The following WNT10A variants were observed in gnomAD, a reference collection of about 807,000 sequenced individuals.
WNT10A encodes the protein Wnt family member 10A, also known as protein Wnt-10a.
WNT10A carries 37 observed loss-of-function variants against 36.1 expected under a neutral mutation model. The ratio of observed to expected loss-of-function variants is 1.02; its 90% CI spans 0.79 to 1.35. The LOEUF (loss-of-function observed/expected upper bound fraction) is 1.35. Among genes scored for constraint, WNT10A ranks in the 40% most tolerant of loss-of-function variants. The probability of loss-of-function intolerance (pLI) is 0.00; values close to 1 mark genes in which losing one functional copy is unlikely to be tolerated. For synonymous variants in WNT10A, 255 were observed against 254.1 expected (o/e 1.00, Z -0.03); for missense variants, 613 against 601.4 (o/e 1.02, Z -0.20).
chr2:218,882,038 A>G (rs1944522575), intron 1 of WNT10A, 123 bp from the exon 2 acceptor site: 14 of 1,348,214 alleles, frequency 1.0e-5, no homozygotes, highest in Non-Finnish European at 1.3e-5. Context: ...GATGGGCCCA[A>G]CCTTCAGAAG....
intron 1 of WNT10A, among the ~76,000 whole-genome samples, 191 bp from the exon 2 acceptor site, chr2:218,881,970 G>A (rs1182100991): frequency 6.6e-6 from 1 of 152,218 alleles, no homozygotes; most frequent in East Asian, 1.9e-4. Context: ...TGAGTGAGTT[G>A]CACTGGGCAG....
At chr2:218,882,086 C>A in intron 1 of WNT10A, 75 bp from the exon 2 acceptor site, 1 of 1,554,672 alleles carries the variant, frequency 6.4e-7, no homozygotes, top group Non-Finnish European at 8.7e-7. Context: ...GCCGTTGGGA[C>A]AGAGTGTGTG....
rs767856988 is a variant in WNT10A, at chr2:218,892,983, G to C, written c.966G>C (p.Pro322=). The C allele has an allele frequency of 4.7e-6, 7 of 1,477,288 alleles. No homozygotes were observed. The African/African-American group carries it at 5.8e-5, about 12-fold the overall frequency. The allele number at this position is 1,477,288 out of a possible 1,614,324, so 91.5% of individuals were successfully genotyped here. The change falls in exon 4 of 4, where the codon CCG becomes CCC. Residue 322 remains proline, a synonymous_variant. Transcript: ENST00000258411. The part of the protein sequence containing the change: ...PGPAGAPSPA[P]GAPGPRRRAS... ...CAGCGGGGGCACCCTCGCCGGCTCC[G>C]GGCGCTCCCGGGCCGCGCCGACGGG...
rs1452774065 is a variant in WNT10A, at chr2:218,893,622, G to A, written c.*351G>A. On this transcript the variant is annotated 3_prime_UTR_variant, in exon 4 of 4. Coordinates refer to ENST00000258411, the MANE Select transcript of WNT10A (RefSeq NM_025216.3). This position sits in a 1 kb window ranked among gnomAD's most constrained non-coding sequence, Gnocchi z 6.3. Reference sequence around the variant, plus strand: ...TTTCACCCCTTCCCTGGAGATGGGAGGTGGGGAATGAATGGAAGCTGACGG... The same window carrying A: ...TTTCACCCCTTCCCTGGAGATGGGAAGTGGGGAATGAATGGAAGCTGACGG... 1.4e-5 allele frequency: 4 copies of A among 284,588 alleles called. No individual in the cohort carries two copies. The highest frequency in any genetic ancestry group is 2.6e-5 in the Non-Finnish European group (4 of 153,528). The allele number at this position is 284,588 out of a possible 1,614,324, so 17.6% of individuals were successfully genotyped here.
rs1944676929 is a variant in WNT10A, at chr2:218,893,114, G to A, written c.1097G>A (p.Ser366Asn). Residue 366 changes from serine to asparagine, a missense_variant, in exon 4 of 4, where the codon AGC becomes AAC. Transcript: ENST00000258411. The surrounding 1 kb of genome is among the most constrained non-coding windows in gnomAD (Gnocchi z 6.3). ...GTGGGCCGCCTGTGCAACAAGAGCA[G>A]CGCCGGCTCGGATGGCTGCGGCAGC... ...GTVGRLCNKS[S>N]AGSDGCGSMC... 1 of 1,595,520 alleles carries A rather than the reference G, an allele frequency of 6.3e-7. No individual in the cohort carries two copies. Among genetic ancestry groups the A allele is most frequent in the Non-Finnish European group, 8.5e-7 (1 of 1,178,540 alleles).
At chr2:218,889,566 T>C (rs891852123) in intron 2 of WNT10A, among the ~76,000 whole-genome samples, 2 of 152,212 alleles carry the variant, frequency 1.3e-5, no homozygotes, top group Non-Finnish European at 2.9e-5. Flanking sequence ...ATGAATTCTT[T>C]AGCTTAAATG....
At chr2:218,888,929 T>C (rs1266774261) in intron 2 of WNT10A, among the ~76,000 whole-genome samples, 1 of 152,238 alleles carries the variant, frequency 6.6e-6, no homozygotes, top group Non-Finnish European at 1.5e-5. Flanking sequence ...TATTTATTTA[T>C]TTATTTATTT....
upstream of WNT10A, chr2:218,880,675 C>T: frequency 3.4e-6 from 1 of 293,094 alleles, no homozygotes; most frequent in Non-Finnish European, 6.3e-6. The surrounding 1 kb of genome is among the most constrained non-coding windows in gnomAD (Gnocchi z 7.7). Flanking sequence ...CCCCAGCCCG[C>T]TGCACCTCCG....
At chr2:218,880,182 C>T (rs1255610648), upstream of WNT10A, among the ~76,000 whole-genome samples, 1 of 152,220 alleles carries the variant, frequency 6.6e-6, no homozygotes, top group Non-Finnish European at 1.5e-5. This position sits in a 1 kb window ranked among gnomAD's most constrained non-coding sequence, Gnocchi z 7.7. Context: ...CCAGCCCCTC[C>T]CCTCCAGCCC....
the WNT10A span, among the ~76,000 whole-genome samples, chr2:218,875,163 T>C: frequency 1.4e-4 from 4 of 28,022 alleles, no homozygotes; most frequent in South Asian, 1.6e-3. Context: ...GACTTTCTTT[T>C]TTTTTTTTTT....
chr2:218,889,403 T>C (rs1458071324), intron 2 of WNT10A, among the ~76,000 whole-genome samples: 1 of 152,236 alleles, frequency 6.6e-6, no homozygotes, highest in Non-Finnish European at 1.5e-5. Context: ...AAGTATCTTT[T>C]TCGTATAATG....
chr2:218,876,691 A>C (rs142584523), upstream of WNT10A, among the ~76,000 whole-genome samples: 8 of 152,338 alleles, frequency 5.3e-5, no homozygotes, highest in Non-Finnish European at 1.2e-4. Context: ...GGCAAGGTTT[A>C]TATTCACAGA....
At chr2:218,879,067 T>TC (rs3840475), upstream of WNT10A, among the ~76,000 whole-genome samples, 165 of 139,024 alleles carry the variant, frequency 1.2e-3, no homozygotes, top group Non-Finnish European at 1.5e-3. Context: ...GCCAGACTGC[T>TC]CCCCCCCCAC....
chr2:218,881,354 G>C (rs1435708552), intron 1 of WNT10A, among the ~76,000 whole-genome samples: 1 of 152,166 alleles, frequency 6.6e-6, no homozygotes, highest in Non-Finnish European at 1.5e-5. Context: ...GAGGGGAGGT[G>C]TGTGTGGGGG....
chr2:218,890,513 C>G, intron 3 of WNT10A, 150 bp downstream of exon 3: 1 of 1,182,246 alleles, frequency 8.5e-7, no homozygotes, highest in East Asian at 2.5e-5. Context: ...AACAAACATG[C>G]ACTGAGTATG....
At position 218,890,105 on chromosome 2, in the gene WNT10A, C is replaced by T. The variant is rs143463683; in HGVS notation, c.498C>T (p.Asp166=). Residue 166 remains aspartate, a synonymous_variant, in exon 3 of 4, where the codon GAC becomes GAT. Coordinates refer to ENST00000258411, the MANE Select transcript of WNT10A (RefSeq NM_025216.3). ...GCTGTGATGCGTCCCGGCGAGGGGA[C>T]GAGGAGGCCTTCCGTAGGAAGCTGC... is the stretch of plus-strand genomic sequence containing the variant. ...ACGCDASRRG[D]EEAFRRKLHR... is the part of the protein sequence containing the mutation. The T allele has an allele frequency of 1.7e-5, 27 of 1,614,040 alleles. No homozygotes were observed. The highest frequency in any genetic ancestry group is 1.2e-4 in the Admixed American group (7 of 59,998).
At chr2:218,882,669 G>T (rs1944532404) in intron 2 of WNT10A, among the ~76,000 whole-genome samples, 1 of 152,130 alleles carries the variant, frequency 6.6e-6, no homozygotes, top group African/African-American at 2.4e-5. Flanking sequence ...CTTAGAACTG[G>T]ACTCCTGGGT....
At chr2:218,876,218 C>G (rs1159861960), upstream of WNT10A, among the ~76,000 whole-genome samples, 1 of 152,216 alleles carries the variant, frequency 6.6e-6, no homozygotes, top group Admixed American at 6.5e-5. Context: ...TTTGCCTATT[C>G]CTGAACCAAT....
intron 2 of WNT10A, 41 bp from the exon 3 acceptor site, chr2:218,889,943 G>A: frequency 6.2e-7 from 1 of 1,610,972 alleles, no homozygotes; most frequent in Non-Finnish European, 8.5e-7. Flanking sequence ...GGGGTGTCAA[G>A]GCCCCTCCAG....
Sources: gnomAD v4.1 joint callset for allele counts (sites outside exome capture counted in the v4.1 genomes callset) on GRCh38, gnomAD v4.1.1 for gene constraint, Gnocchi (gnomAD v3.1) non-coding constraint, MANE v1.5 for transcripts, NCBI Gene and HGNC (gene_info 2026-07-23, HGNC 2026-07-21) for gene names.